ARHGAP21: variants seen among roughly 807,000 people sequenced by gnomAD.
ARHGAP21 encodes Rho GTPase activating protein 21, also known as rho GTPase-activating protein 21.
A neutral mutation model predicts 164.6 loss-of-function variants in ARHGAP21; 38 were observed. The ratio of observed to expected loss-of-function variants is 0.23; its 90% CI spans 0.18 to 0.30. The LOEUF (loss-of-function observed/expected upper bound fraction) is 0.30. Ranked by LOEUF, ARHGAP21 falls within the 10% of genes least tolerant of loss-of-function variation. ARHGAP21 has a pLI of 1.00. For missense variants in ARHGAP21, 1,822 were observed against 2,370.7 expected (o/e 0.77, Z 4.81); for synonymous variants, 766 against 857.9 (o/e 0.89, Z 1.87).
intron 12 of ARHGAP21, 83 bp from the exon 13 acceptor site, chr10:24,602,186 C>T: frequency 6.8e-7 from 1 of 1,474,590 alleles, no homozygotes; most frequent in South Asian, 1.4e-5. Flanking sequence ...TTGTGGAAAA[C>T]TTTATTTAAT....
chr10:24,628,930 T>C (rs1352523560), intron 7 of ARHGAP21: 3 of 108,092 alleles, frequency 2.8e-5, no homozygotes, highest in Non-Finnish European at 5.3e-5. Flanking sequence ...TATATATACA[T>C]ACATATATAT....
intron 7 of ARHGAP21, among the ~76,000 whole-genome samples, chr10:24,627,080 C>T (rs916948050): frequency 1.3e-5 from 2 of 152,134 alleles, no homozygotes; most frequent in African/African-American, 4.8e-5. Context: ...TTTTCTAGGC[C>T]ACCTCTCAAA....
intron 8 of ARHGAP21, 88 bp downstream of exon 8, chr10:24,622,645 G>T: frequency 1.4e-6 from 2 of 1,382,598 alleles, no homozygotes; most frequent in South Asian, 1.4e-5. Context: ...CTAAGCAAAA[G>T]TGAACAGTTT....
At chr10:24,685,651 G>A (rs1354460863) in intron 2 of ARHGAP21, among the ~76,000 whole-genome samples, 7 of 152,098 alleles carry the variant, frequency 4.6e-5, no homozygotes, top group African/African-American at 1.2e-4. Context: ...CGAGGTGGGC[G>A]GATCACTTGA....
In ARHGAP21 at chr10:24,620,542, G is replaced by A. The variant is rs765415216; in HGVS notation, c.1353C>T (p.Val451=). The A allele has an allele frequency of 1.9e-6, 3 of 1,613,752 alleles. No homozygotes were observed. Among genetic ancestry groups the A allele is most frequent in the Admixed American group, 1.7e-5 (1 of 60,002 alleles). The change falls in exon 9 of 26, where the codon GTC becomes GTT. Residue 451 remains valine, a synonymous_variant. Transcript: ENST00000396432. The part of the protein sequence containing the change: ...STSHDRVPQS[V]QIRQRSVSQE... Reference sequence around the variant, plus strand: ...GGGACACACTGCGTTGCCGTATCTGGACAGACTGGGGCACTCGATCATGAG... The same window carrying A: ...GGGACACACTGCGTTGCCGTATCTGAACAGACTGGGGCACTCGATCATGAG...
At chr10:24,616,120 A>G (rs1833925403) in intron 9 of ARHGAP21, among the ~76,000 whole-genome samples, 1 of 152,184 alleles carries the variant, frequency 6.6e-6, no homozygotes, top group Non-Finnish European at 1.5e-5. Flanking sequence ...TTACTCAAAT[A>G]GTGGAAGCAA....
chr10:24,662,599 T>A (rs1464304609), intron 4 of ARHGAP21, among the ~76,000 whole-genome samples: 1 of 152,212 alleles, frequency 6.6e-6, no homozygotes, highest in Non-Finnish European at 1.5e-5. Flanking sequence ...AAGCAGTTCT[T>A]CCAAATATAT....
At chr10:24,650,697 C>A (rs1403407601) in intron 4 of ARHGAP21, among the ~76,000 whole-genome samples, 1 of 152,164 alleles carries the variant, frequency 6.6e-6, no homozygotes, top group East Asian at 1.9e-4. Flanking sequence ...CTACAGTGAA[C>A]TAGCTGGTTA....
intron 2 of ARHGAP21, among the ~76,000 whole-genome samples, chr10:24,678,488 C>A (rs1383575173): frequency 6.6e-6 from 1 of 151,988 alleles, no homozygotes; most frequent in African/African-American, 2.4e-5. Flanking sequence ...TGGTTTGTTT[C>A]TGTCTTTTTG....
At chr10:24,705,325 G>A (rs1435283308) in intron 2 of ARHGAP21, among the ~76,000 whole-genome samples, 2 of 152,008 alleles carry the variant, frequency 1.3e-5, no homozygotes, top group Non-Finnish European at 2.9e-5. Context: ...ATTTTTTACG[G>A]TAATGTAAAT....
chr10:24,584,377 GT>G lies in ARHGAP21; in HGVS notation c.*34del. 3.3e-6 allele frequency: 5 copies of G among 1,533,586 alleles called. No homozygotes were observed. The highest frequency in any genetic ancestry group is 3.5e-6 in the Non-Finnish European group (4 of 1,143,398). 95.0% of individuals were successfully genotyped at this position (1,533,586 alleles called of 1,614,324 possible). A position where few individuals can be genotyped will look rare whatever the true frequency, so the allele number is the denominator to read the frequency against. On this transcript the variant is annotated 3_prime_UTR_variant, in exon 26 of 26. Coordinates refer to ENST00000396432, the MANE Select transcript of ARHGAP21 (RefSeq NM_020824.4). ...AGAGTTACTGGAACGTGTAACAGTA[GT>G]TTTTTTACTTGCTAGAGTGGACATA...
intron 4 of ARHGAP21, among the ~76,000 whole-genome samples, chr10:24,654,948 G>C (rs1216618961): frequency 3.9e-5 from 6 of 152,096 alleles, no homozygotes; most frequent in African/African-American, 1.2e-4. Context: ...CAGAACAGAG[G>C]CCTCAGAAAT....
At chr10:24,635,919 AG>A (rs1159564006) in intron 4 of ARHGAP21, among the ~76,000 whole-genome samples, 1 of 152,222 alleles carries the variant, frequency 6.6e-6, no homozygotes, top group African/African-American at 2.4e-5. Flanking sequence ...CTTTCCCTTC[AG>A]GGAGTCTGGT....
At chr10:24,634,869 T>C (rs1836211666) in intron 5 of ARHGAP21, 142 bp downstream of exon 5, 1 of 564,618 alleles carries the variant, frequency 1.8e-6, no homozygotes, top group African/African-American at 1.9e-5. Flanking sequence ...TAATTAGTTC[T>C]CAAAATTAGT....
Position 24,597,978 on chromosome 10 carries a change from C to T in ARHGAP21, c.3164G>A (p.Ser1055Asn), listed in dbSNP as rs756019954. The T allele has an allele frequency of 6.2e-7, 1 of 1,613,294 alleles. No homozygotes were observed. The highest frequency in any genetic ancestry group is 8.5e-7 in the Non-Finnish European group (1 of 1,179,660). ...ATTGTTGTATTCTTTTATTCTTCGACTAATTAGATCCCTGTTAGTGACTCC... is the reference window on the plus strand; with the variant it reads ...ATTGTTGTATTCTTTTATTCTTCGATTAATTAGATCCCTGTTAGTGACTCC... ...DTGVTNRDLI[S>N]RRIKEYNNLM... Residue 1055 changes from serine (S) to asparagine (N), a missense_variant, in exon 15 of 26, where the codon AGT becomes AAT. Coordinates refer to ENST00000396432, the MANE Select transcript of ARHGAP21 (RefSeq NM_020824.4).
chr10:24,664,630 C>G (rs1330455389), intron 4 of ARHGAP21, among the ~76,000 whole-genome samples: 1 of 151,280 alleles, frequency 6.6e-6, no homozygotes, highest in East Asian at 1.9e-4. Flanking sequence ...TGTACTAAAT[C>G]TTCTGAATGT....
At position 24,648,062 on chromosome 10, in the gene ARHGAP21, C is replaced by T. The variant is rs192872563; in HGVS notation, c.269-12959G>A. 1.2e-4 allele frequency among the ~76,000 whole-genome samples: 19 copies of T among 152,306 alleles called. No individual in the cohort carries two copies. The East Asian group carries it at 3.5e-3, about 28-fold the overall frequency. The stretch of plus-strand genomic sequence containing the variant: ...ACTGTGTTGGCCAGACTGGTCTCAA[C>T]TCCTGACCTCAGGTGATCCACCCAC... On this transcript the variant is annotated intron_variant, in intron 4 of 25. Coordinates refer to ENST00000396432, the MANE Select transcript of ARHGAP21 (RefSeq NM_020824.4).
intron 4 of ARHGAP21, among the ~76,000 whole-genome samples, chr10:24,643,028 T>C (rs1593140109): frequency 6.6e-6 from 1 of 152,140 alleles, no homozygotes; most frequent in Admixed American, 6.6e-5. Flanking sequence ...CCTCAAATAG[T>C]ATAAGGAAAA....
intron 2 of ARHGAP21, among the ~76,000 whole-genome samples, chr10:24,680,699 C>T (rs1841684131): frequency 6.6e-6 from 1 of 152,070 alleles, no homozygotes. Flanking sequence ...AAAAAATATA[C>T]ATATGTGCCC....
Sources: gnomAD v4.1 joint callset for allele counts (sites outside exome capture counted in the v4.1 genomes callset) on GRCh38, gnomAD v4.1.1 for gene constraint, MANE v1.5 for transcripts, NCBI Gene and HGNC (gene_info 2026-07-23, HGNC 2026-07-21) for gene names.